Variants in XIRP1 observed in about 807,000 individuals in gnomAD.
The protein encoded by XIRP1 is xin actin-binding repeat-containing protein 1.
For synonymous variants in XIRP1, 984 were observed against 947.0 expected (o/e 1.04, Z -0.72); for missense variants, 2,378 against 2,345.4 (o/e 1.01, Z -0.29).
intron 1 of XIRP1, 45 bp from the exon 2 acceptor site, chr3:39,189,570 T>C (rs906905697): frequency 7.0e-7 from 1 of 1,436,598 alleles, no homozygotes; most frequent in Non-Finnish European, 9.3e-7. Context: ...AGAGTAGCTC[T>C]GGGTGACTTA....
In XIRP1 at chr3:39,188,593, G is replaced by A. The variant is rs763983423; in HGVS notation, c.853C>T (p.Pro285Ser). 8.2e-5 allele frequency: 133 copies of A among 1,613,672 alleles called. No individual in the cohort carries two copies. The highest frequency in any genetic ancestry group is 1.1e-4 in the Non-Finnish European group (128 of 1,179,932). The change falls in exon 2 of 2, where the codon CCC (proline) becomes TCC (serine). Residue 285 changes from proline (P) to serine (S), a missense_variant. Coordinates refer to ENST00000340369, the MANE Select transcript of XIRP1 (RefSeq NM_194293.4). The part of the protein sequence containing the change: ...TRPLDAINQD[P>S]SQVRVIRGIS... ...CCCCGGATCACCCGCACCTGGCTGG[G>A]GTCCTGGTTGATGGCGTCCAGAGGC...
chr3:39,184,747 C>T lies in XIRP1; in HGVS notation c.4699G>A (p.Glu1567Lys), dbSNP rs1559746356. ...TGGAAATGGCCTCTGGCACTGGCCT[C>T]AGGCTGGAGGCTAGACATGGAGCTG... ...ALSSMSSLQPEASARGHFQGP... is the reference protein window; with the variant it reads ...ALSSMSSLQPKASARGHFQGP... The change falls in exon 2 of 2, where the codon GAG (glutamate) becomes AAG (lysine). Residue 1567 changes from glutamate (E) to lysine (K), a missense_variant. Coordinates refer to ENST00000340369, the MANE Select transcript of XIRP1 (RefSeq NM_194293.4). The T allele has an allele frequency of 1.2e-6, 2 of 1,614,258 alleles. No homozygotes were observed. Among genetic ancestry groups the T allele is most frequent in the Non-Finnish European group, 1.7e-6 (2 of 1,180,046 alleles).
In XIRP1 at chr3:39,186,395, T is replaced by C; in HGVS notation, c.3051A>G (p.Thr1017=). 6.2e-7 allele frequency: 1 copy of C among 1,614,202 alleles called. No individual in the cohort carries two copies. Among genetic ancestry groups the C allele is most frequent in the Non-Finnish European group, 8.5e-7 (1 of 1,180,046 alleles). The change falls in exon 2 of 2, where the codon ACA becomes ACG. Residue 1017 remains threonine (T), a synonymous_variant. Coordinates refer to ENST00000340369, the MANE Select transcript of XIRP1 (RefSeq NM_194293.4). ...CAGAGTGACTGTCTTCCTGCTTTTC[T>C]GTGTTTTGCAATTGGGCTGGTGCTG... is the stretch of plus-strand genomic sequence containing the variant. ...EAAAPAQLQN[T]EKQEDSHSGQ...
In XIRP1 at chr3:39,186,609, C is replaced by T; in HGVS notation, c.2837G>A (p.Trp946Ter). The change falls in exon 2 of 2, where the codon TGG (tryptophan) becomes TAG (stop). Residue 946 changes from tryptophan to a stop codon, truncating the protein, a stop_gained. Coordinates refer to ENST00000340369, the MANE Select transcript of XIRP1 (RefSeq NM_194293.4). LOFTEE classifies it low-confidence loss of function (END_TRUNC). Reference protein sequence around the residue: ...GDLSGLHSLRWEPPADPSPVP... With the variant: ...GDLSGLHSLR ...TGGACTCGGGTCAGCCGGGGGCTCC[C>T]ACCGCAGACTGTGCAGGCCACTCAG... 1.9e-6 allele frequency: 3 copies of T among 1,610,068 alleles called. No individual in the cohort carries two copies. The highest frequency in any genetic ancestry group is 2.5e-6 in the Non-Finnish European group (3 of 1,177,442).
In XIRP1 at chr3:39,188,041, C is replaced by G. The variant is rs1213319085; in HGVS notation, c.1405G>C (p.Gly469Arg). 1 of 1,614,188 alleles carries G rather than the reference C, an allele frequency of 6.2e-7. No homozygotes were observed. Among genetic ancestry groups the G allele is most frequent in the Admixed American group, 1.7e-5 (1 of 60,034 alleles). The change falls in exon 2 of 2, where the codon GGA (glycine) becomes CGA (arginine). Residue 469 changes from glycine (G) to arginine (R), a missense_variant. Gly to Arg is a moderately radical substitution (Grantham distance 125). Coordinates refer to ENST00000340369, the MANE Select transcript of XIRP1 (RefSeq NM_194293.4). ...TGGGCCTGCCCAGCAGAATCAGTTC[C>G]TTCTTCTCTGCTTGGACTCCCATGG... is the stretch of plus-strand genomic sequence containing the variant. Reference protein sequence around the residue: ...LAHGSPSREEGTDSAGQAQGI... With the variant: ...LAHGSPSREERTDSAGQAQGI...
At position 39,183,579 on chromosome 3, in the gene XIRP1, G is replaced by A. The variant is rs2039902131; in HGVS notation, c.*335C>T. 3.5e-6 allele frequency: 1 copy of A among 286,894 alleles called. No homozygotes were observed. The highest frequency in any genetic ancestry group is 7.4e-5 in the South Asian group (1 of 13,542). 17.8% of individuals were successfully genotyped at this position (286,894 alleles called of 1,614,324 possible). The stretch of plus-strand genomic sequence containing the variant: ...TCTGGGGGGCTCCAATTCAGGCAGT[G>A]GTGTGCAAATTCACACATGTCGATG... On this transcript the variant is annotated 3_prime_UTR_variant, in exon 2 of 2. Coordinates refer to ENST00000340369, the MANE Select transcript of XIRP1 (RefSeq NM_194293.4).
chr3:39,185,122 G>A lies in XIRP1; in HGVS notation c.4324C>T (p.Pro1442Ser), dbSNP rs781713744. The stretch of plus-strand genomic sequence containing the variant: ...ATGGGCTGCTCTCCTGAGGGGCCGG[G>A]GCCCCACTGTGGTGAGGTGGGATCA... ...NHDPTSPQWG[P>S]GPSGEQPMEG... is the part of the protein sequence containing the mutation. The change falls in exon 2 of 2, where the codon CCC (proline) becomes TCC (serine). Residue 1442 changes from proline (P) to serine (S), a missense_variant. Pro to Ser is a moderately conservative substitution (Grantham distance 74). Coordinates refer to ENST00000340369, the MANE Select transcript of XIRP1 (RefSeq NM_194293.4). 4 of 1,565,498 alleles carry A rather than the reference G, an allele frequency of 2.6e-6. No individual in the cohort carries two copies. The highest frequency in any genetic ancestry group is 1.2e-5 in the South Asian group (1 of 83,238).
rs1213224570 is a variant in XIRP1, at chr3:39,186,986, C to T, written c.2460G>A (p.Glu820=). Residue 820 remains glutamate (E), a synonymous_variant, in exon 2 of 2, where the codon GAG becomes GAA. Transcript: ENST00000340369. ...TGGGAAGTTCACCTGACACCAGCTCCTCCTTTCGTATATAAGGGTGCCCCT... is the reference window on the plus strand; with the variant it reads ...TGGGAAGTTCACCTGACACCAGCTCTTCCTTTCGTATATAAGGGTGCCCCT... ...TGQGHPYIRK[E]ELVSGELPRI... 5 of 1,604,918 alleles carry T rather than the reference C, an allele frequency of 3.1e-6. No individual in the cohort carries two copies. The Admixed American group carries it at 6.7e-5, about 21-fold the overall frequency.
Position 39,184,378 on chromosome 3 carries a change from C to T in XIRP1, c.5068G>A (p.Gly1690Ser), listed in dbSNP as rs746652284. The T allele has an allele frequency of 2.2e-5, 35 of 1,614,024 alleles. No homozygotes were observed. The highest frequency in any genetic ancestry group is 2.7e-5 in the Non-Finnish European group (32 of 1,180,038). Residue 1690 changes from glycine (G) to serine (S), a missense_variant, in exon 2 of 2, where the codon GGC becomes AGC. By Grantham distance (56) the Gly-to-Ser change is moderately conservative (BLOSUM62 0). Transcript: ENST00000340369. ...RKPLETPSFK[G>S]NPDVSVKSTQ... ...CTTTTCACTGAGACATCAGGGTTGC[C>T]CTTAAAGCTGGGAGTCTCTAGAGGC...
Position 39,184,577 on chromosome 3 carries a change from A to AC in XIRP1, c.4868dup (p.Ser1623ArgfsTer67). The AC allele has an allele frequency of 6.2e-7, 1 of 1,613,552 alleles. No individual in the cohort carries two copies. Among genetic ancestry groups the AC allele is most frequent in the Non-Finnish European group, 8.5e-7 (1 of 1,179,930 alleles). On this transcript the variant is annotated frameshift_variant, in exon 2 of 2. Transcript: ENST00000340369. LOFTEE classifies it low-confidence loss of function (END_TRUNC). ...CTGTGTGATTTCTGATCTTGACTTG[A>AC]CTCTGGGCCTCAGTGTGGCATTCAA...
In XIRP1 at chr3:39,188,981, T is replaced by C. The variant is rs1351133806; in HGVS notation, c.465A>G (p.Ala155=). 5 of 1,613,858 alleles carry C rather than the reference T, an allele frequency of 3.1e-6. No homozygotes were observed. Among genetic ancestry groups the C allele is most frequent in the Non-Finnish European group, 4.2e-6 (5 of 1,180,020 alleles). Residue 155 remains alanine (A), a synonymous_variant, in exon 2 of 2, where the codon GCA becomes GCG. Transcript: ENST00000340369. The stretch of plus-strand genomic sequence containing the variant: ...GCTTTGTCTCAAATAGCCAGCGGGC[T>C]GCACGAACGTCTCCTCCACCTGGCT... ...RPQPGGGDVR[A]ARWLFETKPL...
At chr3:39,190,568 G>A (rs1010974907) in intron 1 of XIRP1, among the ~76,000 whole-genome samples, 1 of 152,004 alleles carries the variant, frequency 6.6e-6, no homozygotes, top group Non-Finnish European at 1.5e-5. Flanking sequence ...TCAGGGGCTC[G>A]GACTCAGGGG....
In XIRP1 at chr3:39,183,884, G is replaced by A. The variant is rs1481389253; in HGVS notation, c.*30C>T. ...CCTGGGGCAGTGGAGGCCAGGAACAGGTGGCAGGTGTGGTGGGAGGCGGTG... is the reference window on the plus strand; with the variant it reads ...CCTGGGGCAGTGGAGGCCAGGAACAAGTGGCAGGTGTGGTGGGAGGCGGTG... On this transcript the variant is annotated 3_prime_UTR_variant, in exon 2 of 2. Transcript: ENST00000340369. 25 of 1,595,682 alleles carry A rather than the reference G, an allele frequency of 1.6e-5. No individual in the cohort carries two copies. The highest frequency in any genetic ancestry group is 1.9e-5 in the Non-Finnish European group (22 of 1,173,260).
Position 39,188,202 on chromosome 3 carries a change from G to A in XIRP1, c.1244C>T (p.Ser415Phe), listed in dbSNP as rs1024281431. 3 of 1,614,142 alleles carry A rather than the reference G, an allele frequency of 1.9e-6. No individual in the cohort carries two copies. The South Asian group carries it at 3.3e-5, about 18-fold the overall frequency. Reference sequence around the variant, plus strand: ...GGGCAGTGCTGAGGAGCTGTCACTGGATAGATGCCCCTCACCGTCCTGGGG... The same window carrying A: ...GGGCAGTGCTGAGGAGCTGTCACTGAATAGATGCCCCTCACCGTCCTGGGG... ...VDPQDGEGHLSSDSSSALPFS... is the reference protein window; with the variant it reads ...VDPQDGEGHLFSDSSSALPFS... Residue 415 changes from serine to phenylalanine, a missense_variant, in exon 2 of 2, where the codon TCC (serine) becomes TTC (phenylalanine). Transcript: ENST00000340369.
intron 1 of XIRP1, among the ~76,000 whole-genome samples, chr3:39,191,888 C>T (rs761166734): frequency 2.0e-5 from 3 of 152,204 alleles, no homozygotes; most frequent in South Asian, 4.1e-4. Flanking sequence ...GGGCAGAGTC[C>T]GAATTCCACC....
In XIRP1 at chr3:39,188,488, G is replaced by C; in HGVS notation, c.958C>G (p.Arg320Gly). The C allele has an allele frequency of 6.2e-7, 1 of 1,603,302 alleles. No individual in the cohort carries two copies. The highest frequency in any genetic ancestry group is 8.5e-7 in the Non-Finnish European group (1 of 1,172,212). The change falls in exon 2 of 2, where the codon CGG (arginine) becomes GGG (glycine). Residue 320 changes from arginine (R) to glycine (G), a missense_variant. Coordinates refer to ENST00000340369, the MANE Select transcript of XIRP1 (RefSeq NM_194293.4). The stretch of plus-strand genomic sequence containing the variant: ...TCCTTCTCATCTACCAAGATCTCCC[G>C]GATGGCATCCAGGGGCTGTGTCTCA... ...IFETQPLDAI[R>G]EILVDEKDFQ...
In XIRP1 at chr3:39,187,905, C is replaced by T. The variant is rs1381153678; in HGVS notation, c.1541G>A (p.Trp514Ter). ...IVGGDVQGYRWMFETQPLDQL... is the reference protein window; with the variant it reads ...IVGGDVQGYR ...GTCTAGGGGCTGTGTCTCAAACATCCACCTGTAGCCCTGCACATCACCTCC... is the reference window on the plus strand; with the variant it reads ...GTCTAGGGGCTGTGTCTCAAACATCTACCTGTAGCCCTGCACATCACCTCC... The change falls in exon 2 of 2, where the codon TGG becomes TAG. Residue 514 changes from tryptophan to a stop codon, truncating the protein, a stop_gained. Coordinates refer to ENST00000340369, the MANE Select transcript of XIRP1 (RefSeq NM_194293.4). LOFTEE classifies it low-confidence loss of function (END_TRUNC). 10 of 1,614,094 alleles carry T rather than the reference C, an allele frequency of 6.2e-6. No homozygotes were observed. Among genetic ancestry groups the T allele is most frequent in the South Asian group, 1.1e-5 (1 of 91,092 alleles).
At position 39,185,511 on chromosome 3, in the gene XIRP1, G is replaced by C. The variant is rs1401579995; in HGVS notation, c.3935C>G (p.Pro1312Arg). The change falls in exon 2 of 2, where the codon CCA becomes CGA. Residue 1312 changes from proline to arginine, a missense_variant. Transcript: ENST00000340369. Reference protein sequence around the residue: ...RTPGGSQTKTPKLDPTMPPKK... With the variant: ...RTPGGSQTKTRKLDPTMPPKK... ...TGGGGGCATGGTGGGGTCCAGTTTT[G>C]GGGTCTTTGTCTGTGACCCTCCAGG... The C allele has an allele frequency of 1.3e-6, 2 of 1,559,722 alleles. No homozygotes were observed. The highest frequency in any genetic ancestry group is 1.7e-6 in the Non-Finnish European group (2 of 1,153,858).
chr3:39,189,038 G>C lies in XIRP1; in HGVS notation c.408C>G (p.Ala136=). ...TSRKFEEGSF[A]NSTDQEPTRP... ...TGGTTGGCTCCTGGTCTGTGCTGTT[G>C]GCAAAGGAGCCTTCCTCAAACTTGC... The change falls in exon 2 of 2, where the codon GCC becomes GCG. Residue 136 remains alanine, a synonymous_variant. Transcript: ENST00000340369. 3 of 1,614,102 alleles carry C rather than the reference G, an allele frequency of 1.9e-6. No individual in the cohort carries two copies. The highest frequency in any genetic ancestry group is 2.5e-6 in the Non-Finnish European group (3 of 1,180,050).
Sources: allele counts gnomAD v4.1 joint callset (sites outside exome capture counted in the v4.1 genomes callset), GRCh38; gene constraint gnomAD v4.1.1; transcripts MANE v1.5; gene names NCBI Gene and HGNC (gene_info 2026-07-23, HGNC 2026-07-21).